Variants in DEK observed in about 807,000 individuals in gnomAD.
DEK encodes DEK proto-oncogene.
A neutral mutation model predicts 46.8 loss-of-function variants in DEK; 28 were observed. The ratio of observed to expected loss-of-function variants is 0.60; its 90% CI spans 0.44 to 0.82. The LOEUF is 0.82. Ranked by LOEUF, DEK falls within the 40% of genes least tolerant of loss-of-function variation. The probability of loss-of-function intolerance (pLI) is 0.00; values close to 1 mark genes in which losing one functional copy is unlikely to be tolerated. For missense variants in DEK, 416 were observed against 430.6 expected, an observed-to-expected ratio of 0.97 and a Z score of 0.30; for synonymous variants, 160 against 144.5, an observed-to-expected ratio of 1.11 and a Z score of -0.77.
intron 7 of DEK, among the ~76,000 whole-genome samples, chr6:18,242,242 G>A (rs1192613794): frequency 6.6e-6 from 1 of 152,180 alleles, no homozygotes; most frequent in Non-Finnish European, 1.5e-5. Context: ...ATGCACCTGT[G>A]GACCCAGCTA....
At chr6:18,242,163 G>A (rs1334778257) in intron 7 of DEK, among the ~76,000 whole-genome samples, 1 of 152,198 alleles carries the variant, frequency 6.6e-6, no homozygotes, top group Non-Finnish European at 1.5e-5. Context: ...TGGGAGGCCA[G>A]GAGTTCGAGA....
chr6:18,233,215 G>T (rs1007112780), intron 9 of DEK, among the ~76,000 whole-genome samples: 28 of 152,204 alleles, frequency 1.8e-4, no homozygotes, highest in Admixed American at 1.1e-3. Flanking sequence ...ATGGATTAAA[G>T]ACTTAAACAT....
At chr6:18,259,198 T>A (rs1322407450) in intron 2 of DEK, among the ~76,000 whole-genome samples, 1 of 151,374 alleles carries the variant, frequency 6.6e-6, no homozygotes, top group Non-Finnish European at 1.5e-5. Context: ...ATCAAGACCA[T>A]CCTGGCTAAC....
At chr6:18,260,542 T>G (rs1299072175) in intron 2 of DEK, among the ~76,000 whole-genome samples, 2 of 152,190 alleles carry the variant, frequency 1.3e-5, no homozygotes, top group East Asian at 3.8e-4. Flanking sequence ...GACAGAAACC[T>G]AAGAGTCATC....
intron 7 of DEK, among the ~76,000 whole-genome samples, chr6:18,245,985 G>A (rs1345237093): frequency 6.6e-6 from 1 of 152,232 alleles, no homozygotes; most frequent in African/African-American, 2.4e-5. Flanking sequence ...CGCGTAAGAT[G>A]GGTCTTTGCT....
chr6:18,244,497 G>A, intron 7 of DEK: 2 of 1,279,692 alleles, frequency 1.6e-6, no homozygotes, highest in Non-Finnish European at 1.0e-6. Context: ...TCTTGGGAAA[G>A]CAAGGCTTAC....
intron 6 of DEK, among the ~76,000 whole-genome samples, chr6:18,250,130 C>T (rs985420224): frequency 6.6e-6 from 1 of 152,138 alleles, no homozygotes; most frequent in South Asian, 2.1e-4. Context: ...TAAGCTCCAA[C>T]GGCTGTTAAT....
intron 9 of DEK, among the ~76,000 whole-genome samples, chr6:18,228,697 T>C (rs933459066): frequency 6.6e-6 from 1 of 152,108 alleles, no homozygotes; most frequent in Admixed American, 6.5e-5. Flanking sequence ...TTTCCAACAA[T>C]CTTAGCAAAC....
In DEK at chr6:18,227,914, C is replaced by A. The variant is rs577382976; in HGVS notation, c.1048-1672G>T. Among the ~76,000 whole-genome samples, 26 of 152,326 alleles carry A rather than the reference C, an allele frequency of 1.7e-4. No individual in the cohort carries two copies. In the South Asian group the frequency reaches 5.4e-3, roughly 32 times the overall value. ...GAAAAGCAATGAACTGCTTCCTCTA[C>A]TCCACTGCTCAGTCCCTCCCTAAAG... On this transcript the variant is annotated intron_variant, in intron 9 of 10. Transcript: ENST00000652689.
intron 7 of DEK, among the ~76,000 whole-genome samples, chr6:18,246,155 A>G (rs192471559): frequency 2.0e-5 from 3 of 152,360 alleles, no homozygotes. Flanking sequence ...TGAAGAAGCT[A>G]ATCCCACATA....
At chr6:18,249,098 A>C (rs1410338034) in intron 7 of DEK, among the ~76,000 whole-genome samples, 2 of 152,172 alleles carry the variant, frequency 1.3e-5, no homozygotes, top group African/African-American at 4.8e-5. Context: ...TTCACTTTGG[A>C]AACTAAGAGT....
intron 2 of DEK, among the ~76,000 whole-genome samples, chr6:18,260,088 C>T (rs937448778): frequency 3.3e-5 from 5 of 152,124 alleles, no homozygotes; most frequent in African/African-American, 2.4e-5. Context: ...GGTTCCAGGA[C>T]GCCCCTCAGA....
At chr6:18,238,607 G>T (rs1353686129) in intron 7 of DEK, among the ~76,000 whole-genome samples, 2 of 149,842 alleles carry the variant, frequency 1.3e-5, no homozygotes, top group African/African-American at 4.9e-5. Flanking sequence ...TGAGGCAAGA[G>T]AATTGCTTGA....
At chr6:18,231,689 C>G (rs1248314800) in intron 9 of DEK, among the ~76,000 whole-genome samples, 2 of 152,180 alleles carry the variant, frequency 1.3e-5, no homozygotes, top group Non-Finnish European at 2.9e-5. Flanking sequence ...CTGAATAGAC[C>G]AATAACAGGT....
intron 2 of DEK, among the ~76,000 whole-genome samples, chr6:18,261,845 G>A (rs974265836): frequency 1.3e-5 from 2 of 152,182 alleles, no homozygotes; most frequent in Non-Finnish European, 2.9e-5. Flanking sequence ...GACTTTGGGG[G>A]ACTACTGCGA....
Position 18,225,639 on chromosome 6 carries a change from A to G in DEK, c.*80T>C, listed in dbSNP as rs1019262524. On this transcript the variant is annotated 3_prime_UTR_variant, in exon 11 of 11. Coordinates refer to ENST00000652689, the MANE Select transcript of DEK (RefSeq NM_003472.4). ...GCTTAACAAGGATTTAGAAAAGGAA[A>G]TACATTCTCTTTGCTGGTATAATGG... 6.7e-7 allele frequency: 1 copy of G among 1,500,110 alleles called. No individual in the cohort carries two copies. Among genetic ancestry groups the G allele is most frequent in the Non-Finnish European group, 9.1e-7 (1 of 1,099,882 alleles). The allele number at this position is 1,500,110 out of a possible 1,614,324, so 92.9% of individuals were successfully genotyped here. A position where few individuals can be genotyped will look rare whatever the true frequency, so the allele number is the denominator to read the frequency against.
chr6:18,252,509 C>CAAAA (rs61626818), intron 6 of DEK, among the ~76,000 whole-genome samples: 747 of 29,118 alleles, frequency 0.026, 110 homozygotes, highest in African/African-American at 0.032. Context: ...ACGCTGTCTC[C>CAAAA]AAAAAAAAAA....
At chr6:18,249,309 C>T (rs1030864874) in intron 7 of DEK, among the ~76,000 whole-genome samples, 3 of 152,196 alleles carry the variant, frequency 2.0e-5, no homozygotes, top group East Asian at 1.9e-4. Flanking sequence ...CAATATATTA[C>T]GAAAAAAATC....
chr6:18,227,442 C>T (rs1040199795), intron 9 of DEK, among the ~76,000 whole-genome samples: 8 of 151,792 alleles, frequency 5.3e-5, no homozygotes, highest in African/African-American at 1.9e-4. Context: ...GACCTTTGTT[C>T]ACATGTTTAT....
Sources: gnomAD v4.1 joint callset for allele counts (sites outside exome capture counted in the v4.1 genomes callset) on GRCh38, gnomAD v4.1.1 for gene constraint, MANE v1.5 for transcripts, NCBI Gene and HGNC (gene_info 2026-07-23, HGNC 2026-07-21) for gene names.